The following ADGRL3 variants were observed in gnomAD, a reference collection of about 807,000 sequenced individuals.
ADGRL3 encodes the protein adhesion G protein-coupled receptor L3, also known as calcium-independent alpha-latrotoxin receptor 3.
A neutral mutation model predicts 153.5 loss-of-function variants in ADGRL3; 62 were observed. The ratio of observed to expected loss-of-function variants is 0.40; its 90% CI spans 0.33 to 0.50. The LOEUF (loss-of-function observed/expected upper bound fraction) is 0.50. Among genes scored for constraint, ADGRL3 ranks in the 20% least tolerant of loss-of-function variants. ADGRL3 has a pLI of 0.47. For synonymous variants in ADGRL3, 710 were observed against 672.5 expected (o/e 1.06, Z -0.86); for missense variants, 1,641 against 1,859.4 (o/e 0.88, Z 2.16).
intron 17 of ADGRL3, among the ~76,000 whole-genome samples, chr4:61,949,420 G>A (rs756463302): frequency 9.2e-5 from 14 of 152,102 alleles, no homozygotes; most frequent in South Asian, 2.1e-4. Flanking sequence ...AAAATAGGCC[G>A]GGCATGGTGG....
At chr4:61,931,700 A>AC (rs2098818271) in intron 13 of ADGRL3, among the ~76,000 whole-genome samples, 2 of 152,148 alleles carry the variant, frequency 1.3e-5, no homozygotes, top group Non-Finnish European at 2.9e-5. Context: ...GTCATAACTC[A>AC]CCAAATTCTA....
intron 1 of ADGRL3, among the ~76,000 whole-genome samples, chr4:61,353,016 T>C (rs1232311203): frequency 6.6e-6 from 1 of 152,104 alleles, no homozygotes; most frequent in Non-Finnish European, 1.5e-5. Flanking sequence ...TGGCCCGAGG[T>C]TCGAAAATCC....
intron 9 of ADGRL3, among the ~76,000 whole-genome samples, chr4:61,860,298 C>G (rs778688001): frequency 6.6e-5 from 10 of 152,128 alleles, no homozygotes; most frequent in Non-Finnish European, 1.3e-4. Flanking sequence ...AGTCCCATTT[C>G]TCCATCCCCT....
rs1275600825 is a variant in ADGRL3 at position 62,074,452 on chromosome 4, CCTAA to C, written c.*3547_*3550del. ...GATGGATTGTTGCACAGCCTCTGCT[CCTAA>C]CTGATAAATATTTGCGGCAAAGTCC... On this transcript the variant is annotated 3_prime_UTR_variant, in exon 27 of 27. Transcript: ENST00000683033. The C allele has an allele frequency of 2.8e-4, 42 of 152,064 alleles. No individual in the cohort carries two copies. The highest frequency in any genetic ancestry group is 2.8e-3 in the Admixed American group (42 of 15,256). 9.4% of individuals were successfully genotyped at this position (152,064 alleles called of 1,614,324 possible).
chr4:61,893,815 C>G (rs2149620256), intron 10 of ADGRL3, among the ~76,000 whole-genome samples: 2 of 137,160 alleles, frequency 1.5e-5, no homozygotes, highest in Admixed American at 1.7e-4. Flanking sequence ...TCAAGTGATT[C>G]TCCTGCCTCA....
At chr4:61,536,828 T>G (rs2098659500) in intron 4 of ADGRL3, among the ~76,000 whole-genome samples, 1 of 152,080 alleles carries the variant, frequency 6.6e-6, no homozygotes, top group Non-Finnish European at 1.5e-5. Context: ...GCTCTTTTTT[T>G]TCCCAATTTG....
chr4:61,388,715 C>T (rs1245322708), intron 2 of ADGRL3, among the ~76,000 whole-genome samples: 2 of 152,200 alleles, frequency 1.3e-5, no homozygotes, highest in African/African-American at 4.8e-5. Context: ...CATCTTCAAC[C>T]TTCTCTGCTC....
At chr4:61,723,534 T>C (rs1422213799) in intron 6 of ADGRL3, among the ~76,000 whole-genome samples, 2 of 152,046 alleles carry the variant, frequency 1.3e-5, no homozygotes, top group Non-Finnish European at 2.9e-5. Flanking sequence ...CTGATTTGCA[T>C]AGGGCCCAGG....
intron 4 of ADGRL3, among the ~76,000 whole-genome samples, chr4:61,557,445 G>T (rs2098772384): frequency 6.6e-6 from 1 of 152,104 alleles, no homozygotes; most frequent in African/African-American, 2.4e-5. Context: ...GGAATCCATA[G>T]ACTCACTATG....
chr4:61,713,698 G>T (rs1169455487), intron 6 of ADGRL3, among the ~76,000 whole-genome samples: 1 of 151,852 alleles, frequency 6.6e-6, no homozygotes, highest in East Asian at 1.9e-4. Context: ...AAAAGACCAA[G>T]AAATAAGAGC....
At chr4:61,739,818 T>G (rs1457022238) in intron 8 of ADGRL3, among the ~76,000 whole-genome samples, 2 of 152,146 alleles carry the variant, frequency 1.3e-5, no homozygotes, top group Admixed American at 1.3e-4. Context: ...CAGAAGTACA[T>G]TAATACGTAA....
chr4:61,459,574 C>T (rs897091916), intron 2 of ADGRL3, among the ~76,000 whole-genome samples: 1 of 151,986 alleles, frequency 6.6e-6, no homozygotes, highest in African/African-American at 2.4e-5. Context: ...AAATCCTCAG[C>T]AGTTGGATTG....
At chr4:61,333,633 T>C (rs749772248) in intron 1 of ADGRL3, among the ~76,000 whole-genome samples, 1 of 152,050 alleles carries the variant, frequency 6.6e-6, no homozygotes, top group Non-Finnish European at 1.5e-5. Flanking sequence ...TCACTCTGTC[T>C]CCCAGGCTGG....
At chr4:61,715,241 A>G (rs1294003601) in intron 6 of ADGRL3, among the ~76,000 whole-genome samples, 1 of 152,172 alleles carries the variant, frequency 6.6e-6, no homozygotes, top group Non-Finnish European at 1.5e-5. Flanking sequence ...TAACACTGTA[A>G]TTGAAGATGT....
intron 1 of ADGRL3, among the ~76,000 whole-genome samples, chr4:61,379,727 T>C (rs550621936): frequency 6.6e-6 from 1 of 152,198 alleles, no homozygotes; most frequent in African/African-American, 2.4e-5. Flanking sequence ...CCATCTTAAT[T>C]CCACATTAAT....
At chr4:61,466,108 A>C (rs138130858) in intron 2 of ADGRL3, among the ~76,000 whole-genome samples, 1 of 152,044 alleles carries the variant, frequency 6.6e-6, no homozygotes, top group Non-Finnish European at 1.5e-5. Context: ...GCGACAGAGC[A>C]AGACTCCATC....
intron 13 of ADGRL3, among the ~76,000 whole-genome samples, chr4:61,912,999 A>G (rs963306663): frequency 6.6e-6 from 1 of 152,178 alleles, no homozygotes; most frequent in Non-Finnish European, 1.5e-5. Context: ...ATCATCACCA[A>G]GAGGTGAGTT....
chr4:61,361,301 T>G (rs2096278466), intron 1 of ADGRL3, among the ~76,000 whole-genome samples: 1 of 152,150 alleles, frequency 6.6e-6, no homozygotes, highest in East Asian at 1.9e-4. Flanking sequence ...GCATTAAGTG[T>G]AAGCCATCAG....
At chr4:61,836,462 A>G (rs1027832440) in intron 9 of ADGRL3, among the ~76,000 whole-genome samples, 2 of 152,090 alleles carry the variant, frequency 1.3e-5, no homozygotes, top group African/African-American at 4.8e-5. Context: ...TTTAGAGTAG[A>G]TAATGTTAAA....
Sources: gnomAD v4.1 joint callset for allele counts (sites outside exome capture counted in the v4.1 genomes callset) on GRCh38, gnomAD v4.1.1 for gene constraint, MANE v1.5 for transcripts, NCBI Gene and HGNC (gene_info 2026-07-23, HGNC 2026-07-21) for gene names.